Variants in PGLYRP4 observed in about 807,000 individuals in gnomAD.
PGLYRP4 encodes the protein PGRP-I-beta.
PGLYRP4 carries 39 observed loss-of-function variants against 41.2 expected under a neutral mutation model. The observed-to-expected ratio is 0.95, with a 90% confidence interval of 0.73 to 1.24. The LOEUF (loss-of-function observed/expected upper bound fraction) is 1.24, where lower values mean the gene tolerates loss of function less well. Ranked by LOEUF, PGLYRP4 falls within the 50% of genes most tolerant of loss-of-function variation. The probability of loss-of-function intolerance (pLI) is 0.00; values close to 1 mark genes in which losing one functional copy is unlikely to be tolerated. For missense variants in PGLYRP4, 467 were observed against 460.7 expected (o/e 1.01, Z -0.13); for synonymous variants, 202 against 186.8 (o/e 1.08, Z -0.66).
intron 8 of PGLYRP4, among the ~76,000 whole-genome samples, chr1:153,336,263 C>T (rs1369592109): frequency 7.0e-6 from 1 of 143,704 alleles, no homozygotes; most frequent in Non-Finnish European, 1.5e-5. Flanking sequence ...CCTAGCTACT[C>T]GGGAGGTTGA....
chr1:153,331,097 A>C (rs1189492821), intron 8 of PGLYRP4, 152 bp from the exon 9 acceptor site: 2 of 542,788 alleles, frequency 3.7e-6, no homozygotes, highest in Non-Finnish European at 6.3e-6. Flanking sequence ...TCAAGACTTC[A>C]GATTTCTTAG....
chr1:153,331,860 C>T (rs1351062245), intron 8 of PGLYRP4: 2 of 152,270 alleles, frequency 1.3e-5, no homozygotes, highest in Admixed American at 6.6e-5. Context: ...ATCATAAAAA[C>T]ATATGAAAGT....
At chr1:153,346,331 C>T in intron 2 of PGLYRP4, 140 bp from the exon 3 acceptor site, 1 of 695,900 alleles carries the variant, frequency 1.4e-6, no homozygotes, top group Non-Finnish European at 2.6e-6. Context: ...TAAGAAATCT[C>T]TCTGGGCTGA....
At chr1:153,345,790 C>T (rs1314349792) in intron 3 of PGLYRP4, among the ~76,000 whole-genome samples, 1 of 152,194 alleles carries the variant, frequency 6.6e-6, no homozygotes, top group Admixed American at 6.5e-5. Flanking sequence ...ATCTTCTCCC[C>T]CCAGCAGGGG....
intron 5 of PGLYRP4, among the ~76,000 whole-genome samples, chr1:153,342,648 T>G (rs1660847984): frequency 6.6e-6 from 1 of 152,166 alleles, no homozygotes; most frequent in African/African-American, 2.4e-5. Flanking sequence ...GAGTGGTTTT[T>G]TTTTAGAAAT....
chr1:153,337,877 CCAAA>C (rs1474446374), intron 7 of PGLYRP4, among the ~76,000 whole-genome samples: 2 of 152,180 alleles, frequency 1.3e-5, no homozygotes, highest in African/African-American at 2.4e-5. Context: ...CTTGACTTCT[CCAAA>C]CACTCTCTTC....
At chr1:153,342,639 A>G (rs1056581398) in intron 5 of PGLYRP4, among the ~76,000 whole-genome samples, 1 of 53,218 alleles carries the variant, frequency 1.9e-5, no homozygotes, top group African/African-American at 5.0e-5. Flanking sequence ...GGGGACCCAG[A>G]GTGGTTTTTT....
intron 1 of PGLYRP4, 121 bp from the exon 2 acceptor site, chr1:153,348,099 A>C (rs1571146030): frequency 2.1e-5 from 13 of 620,912 alleles, no homozygotes; most frequent in South Asian, 1.4e-4. Context: ...GAGGGCCAGC[A>C]CCTGCTTCAG....
At chr1:153,348,146 C>T (rs1363117372) in intron 1 of PGLYRP4, among the ~76,000 whole-genome samples, 168 bp from the exon 2 acceptor site, 1 of 152,188 alleles carries the variant, frequency 6.6e-6, no homozygotes, top group Non-Finnish European at 1.5e-5. Flanking sequence ...AGGTGCTCAG[C>T]ATCCCTGTCC....
chr1:153,336,069 T>C (rs1660547715), intron 8 of PGLYRP4, among the ~76,000 whole-genome samples: 1 of 135,762 alleles, frequency 7.4e-6, no homozygotes, highest in African/African-American at 2.7e-5. Flanking sequence ...TGTGTGTGTG[T>C]GTACACCATA....
chr1:153,330,803 G>A lies in PGLYRP4; in HGVS notation c.1086C>T (p.Tyr362=). 6.2e-7 allele frequency: 1 copy of A among 1,614,002 alleles called. No individual in the cohort carries two copies. The highest frequency in any genetic ancestry group is 1.1e-5 in the South Asian group (1 of 91,070). The change falls in exon 9 of 9, where the codon TAC becomes TAT. Residue 362 remains tyrosine, a synonymous_variant. Transcript: ENST00000359650. ...ARTLSPGQAL[Y]NIISTWPHFK... is the part of the protein sequence containing the mutation. ...AATGAGGCCAGGTGCTGATGATGTT[G>A]TACAAAGCCTGCCCAGGAGACAAGG...
rs778644660 is a variant in PGLYRP4 at position 153,346,193 on chromosome 1, T to C, written c.50-2A>G. 5.0e-6 allele frequency: 8 copies of C among 1,611,016 alleles called. No individual in the cohort carries two copies. The Admixed American group carries it at 6.7e-5, about 13-fold the overall frequency. On this transcript the variant is annotated splice_acceptor_variant, in intron 2 of 8. Transcript: ENST00000359650. LOFTEE classifies it high-confidence loss of function. ...GTGTTTTGTTCCAGGAGGAATCACC[T>C]GCAAAGGAATATCCCATTTTGCATC...
chr1:153,330,690 G>A lies in PGLYRP4; in HGVS notation c.*77C>T, dbSNP rs985753938. On this transcript the variant is annotated 3_prime_UTR_variant, in exon 9 of 9. Coordinates refer to ENST00000359650, the MANE Select transcript of PGLYRP4 (RefSeq NM_020393.4). ...GCAGGGGAGGAGGGCAAAAGGTGTT[G>A]AGCCAAGCTGGATGGTTAGGACAGG... The A allele has an allele frequency of 7.5e-6, 10 of 1,326,906 alleles. No homozygotes were observed. In the African/African-American group the frequency reaches 1.2e-4, roughly 15 times the overall value. 82.2% of individuals were successfully genotyped at this position (1,326,906 alleles called of 1,614,324 possible).
At chr1:153,331,316 G>A (rs1660327981) in intron 8 of PGLYRP4, among the ~76,000 whole-genome samples, 1 of 152,168 alleles carries the variant, frequency 6.6e-6, no homozygotes, top group African/African-American at 2.4e-5. Flanking sequence ...TAGAAGCCAA[G>A]GATACTGCTA....
intron 8 of PGLYRP4, among the ~76,000 whole-genome samples, chr1:153,335,740 A>G (rs2101555972): frequency 6.6e-6 from 1 of 152,250 alleles, no homozygotes; most frequent in East Asian, 1.9e-4. Context: ...TAAATAAATA[A>G]ATAAATAAAT....
chr1:153,343,129 T>C lies in PGLYRP4; in HGVS notation c.433A>G (p.Asn145Asp), dbSNP rs1416182477. The C allele has an allele frequency of 6.2e-6, 10 of 1,613,698 alleles. No homozygotes were observed. The highest frequency in any genetic ancestry group is 5.9e-6 in the Non-Finnish European group (7 of 1,179,592). ...IQGVHTQGYN[N>D]ISLGFAFFGT... The stretch of plus-strand genomic sequence containing the variant: ...AAGAAGGCAAAGCCCAGGGAGATGT[T>C]GTTGTAGCCTTGGGTGTGCACTCCT... Residue 145 changes from asparagine (N) to aspartate (D), a missense_variant, in exon 5 of 9, where the codon AAC becomes GAC. By Grantham distance (23) the Asn-to-Asp change is conservative. Coordinates refer to ENST00000359650, the MANE Select transcript of PGLYRP4 (RefSeq NM_020393.4).
At chr1:153,332,073 C>T (rs1238749026) in intron 8 of PGLYRP4, among the ~76,000 whole-genome samples, 2 of 151,918 alleles carry the variant, frequency 1.3e-5, no homozygotes, top group Non-Finnish European at 2.9e-5. Context: ...ACAAGAAACC[C>T]CCTAACTGGT....
intron 4 of PGLYRP4, chr1:153,344,930 T>C (rs148716012): frequency 5.3e-5 from 26 of 495,200 alleles, no homozygotes; most frequent in Middle Eastern, 5.6e-4. Flanking sequence ...TGGGGGAGGG[T>C]AGAGAATACA....
At chr1:153,338,024 A>C (rs1306870190) in intron 7 of PGLYRP4, among the ~76,000 whole-genome samples, 1 of 151,294 alleles carries the variant, frequency 6.6e-6, no homozygotes, top group Non-Finnish European at 1.5e-5. Context: ...TTCTCCCCAT[A>C]CTCCACACAG....
Sources: allele counts gnomAD v4.1 joint callset (sites outside exome capture counted in the v4.1 genomes callset), GRCh38; gene constraint gnomAD v4.1.1; transcripts MANE v1.5; gene names NCBI Gene and HGNC (gene_info 2026-07-23, HGNC 2026-07-21).